Variants in GTF2IRD2B observed in about 807,000 individuals in gnomAD.
GTF2IRD2B encodes the protein general transcription factor II-I repeat domain-containing protein 2B.
In GTF2IRD2B, 10 loss-of-function variants were observed where a neutral mutation model predicts 55.6. The ratio of observed to expected loss-of-function variants is 0.18; its 90% CI spans 0.11 to 0.31. GTF2IRD2B has a LOEUF of 0.31. Ranked by LOEUF, GTF2IRD2B falls within the 10% of genes least tolerant of loss-of-function variation. The pLI is 1.00. For synonymous variants in GTF2IRD2B, 107 were observed against 320.5 expected (o/e 0.33, Z 7.12); for missense variants, 206 against 802.7 (o/e 0.26, Z 8.98).
At position 75,120,864 on chromosome 7, in the gene GTF2IRD2B, G is replaced by A. The variant is rs377662145; in HGVS notation, c.239-27G>A. 1.2e-4 allele frequency: 189 copies of A among 1,607,240 alleles called. No individual in the cohort carries two copies. The Middle Eastern group carries it at 2.2e-3, about 18-fold the overall frequency. Reference sequence around the variant, plus strand: ...TGTACAGCACAAATGCTTAGAAACTGACCTAATGCCAATCATCCATTTGCA... The same window carrying A: ...TGTACAGCACAAATGCTTAGAAACTAACCTAATGCCAATCATCCATTTGCA... On this transcript the variant is annotated intron_variant, in intron 3 of 15. Coordinates refer to ENST00000472837, the MANE Select transcript of GTF2IRD2B (RefSeq NM_001003795.3).
At chr7:75,116,864 C>G (rs1490519754) in intron 3 of GTF2IRD2B, among the ~76,000 whole-genome samples, 3 of 151,184 alleles carry the variant, frequency 2.0e-5, no homozygotes, top group Admixed American at 1.3e-4. Flanking sequence ...AGCATAGTCT[C>G]AAACTCCTGA....
At chr7:75,133,879 G>A (rs879992357) in intron 9 of GTF2IRD2B, among the ~76,000 whole-genome samples, 41 of 138,054 alleles carry the variant, frequency 3.0e-4, no homozygotes, top group Non-Finnish European at 4.8e-4. Context: ...AAATTGTCAC[G>A]ACTGTCATGA....
intron 1 of GTF2IRD2B, among the ~76,000 whole-genome samples, chr7:75,096,596 T>G (rs1355443335): frequency 1.0e-5 from 1 of 95,704 alleles, no homozygotes; most frequent in Non-Finnish European, 1.9e-5. Flanking sequence ...TCCTTTTTTT[T>G]TGGATTTTTA....
At chr7:75,107,431 C>T (rs2115712591) in intron 1 of GTF2IRD2B, among the ~76,000 whole-genome samples, 1 of 145,914 alleles carries the variant, frequency 6.9e-6, no homozygotes, top group African/African-American at 2.5e-5. Flanking sequence ...AAAAATTAGC[C>T]AGGCGTGGTG....
At chr7:75,118,074 C>CAAA (rs57631816) in intron 3 of GTF2IRD2B, among the ~76,000 whole-genome samples, 8 of 103,814 alleles carry the variant, frequency 7.7e-5, no homozygotes, top group African/African-American at 2.5e-4. Context: ...CAGAGCAAGA[C>CAAA]AAAAAAAAAA....
intron 3 of GTF2IRD2B, among the ~76,000 whole-genome samples, chr7:75,119,895 G>A (rs1184429262): frequency 9.0e-6 from 1 of 110,974 alleles, no homozygotes; most frequent in African/African-American, 4.3e-5. Context: ...TTGGGAGGCC[G>A]AGGCAGGCGG....
At chr7:75,103,639 T>C (rs1807655557) in intron 1 of GTF2IRD2B, among the ~76,000 whole-genome samples, 5 of 151,700 alleles carry the variant, frequency 3.3e-5, no homozygotes, top group Non-Finnish European at 7.4e-5. Flanking sequence ...GATGCACCCA[T>C]TTCCAGAGAG....
At chr7:75,109,667 C>T (rs2718257) in intron 2 of GTF2IRD2B, among the ~76,000 whole-genome samples, 32,427 of 36,908 alleles carry the variant, frequency 0.88, 14,082 homozygotes, top group East Asian at 0.97. Flanking sequence ...TGATGTTTGC[C>T]TGCTGCCTGA....
intron 8 of GTF2IRD2B, among the ~76,000 whole-genome samples, chr7:75,132,200 C>A (rs587610462): frequency 0.011 from 1,602 of 141,128 alleles, 66 homozygotes; most frequent in Middle Eastern, 0.028. Context: ...GGTGAAACCC[C>A]GTCTTTACTG....
At chr7:75,102,715 C>T (rs1385384571) in intron 1 of GTF2IRD2B, among the ~76,000 whole-genome samples, 5 of 151,620 alleles carry the variant, frequency 3.3e-5, no homozygotes, top group South Asian at 2.1e-4. Flanking sequence ...CACAGGGCTT[C>T]GGGAGGCCAA....
chr7:75,114,641 T>C (rs1188391360), intron 3 of GTF2IRD2B, among the ~76,000 whole-genome samples: 1 of 151,934 alleles, frequency 6.6e-6, no homozygotes, highest in Non-Finnish European at 1.5e-5. Flanking sequence ...TTTATGTCCA[T>C]GTGTATCCAA....
At chr7:75,103,456 GTTAA>G (rs1807649114) in intron 1 of GTF2IRD2B, among the ~76,000 whole-genome samples, 1 of 150,538 alleles carries the variant, frequency 6.6e-6, no homozygotes, top group South Asian at 2.1e-4. Context: ...GGTGTTCATT[GTTAA>G]TTAATGCCAC....
chr7:75,103,514 G>C (rs1227738230), intron 1 of GTF2IRD2B, among the ~76,000 whole-genome samples: 1 of 149,866 alleles, frequency 6.7e-6, no homozygotes, highest in Non-Finnish European at 1.5e-5. Context: ...AGAAGAGAGG[G>C]AGCCGTCCCC....
intron 11 of GTF2IRD2B, 124 bp from the exon 12 acceptor site, chr7:75,138,825 CA>C (rs71273506): frequency 8.5e-3 from 68 of 8,024 alleles, no homozygotes; most frequent in Admixed American, 0.014. Context: ...GAACCTGTCT[CA>C]AAAAAAAAAA....
chr7:75,114,785 G>A (rs1238683845), intron 3 of GTF2IRD2B, among the ~76,000 whole-genome samples: 3 of 149,642 alleles, frequency 2.0e-5, no homozygotes, highest in East Asian at 1.9e-4. Context: ...TTTTATGGCC[G>A]CAGGTTTTTC....
chr7:75,096,748 C>T (rs1471144029), intron 1 of GTF2IRD2B, among the ~76,000 whole-genome samples: 1 of 150,992 alleles, frequency 6.6e-6, no homozygotes, highest in African/African-American at 2.5e-5. Context: ...TTTTACATCG[C>T]AGGTGATCAT....
At position 75,133,220 on chromosome 7, in the gene GTF2IRD2B, T is replaced by G; in HGVS notation, c.748+8T>G. On this transcript the variant is annotated splice_region_variant and intron_variant, in intron 9 of 15. Coordinates refer to ENST00000472837, the MANE Select transcript of GTF2IRD2B (RefSeq NM_001003795.3). ...ATCAATATAATATGCAAGGTAATAC[T>G]GTTTGATAATAATTTTCTTCCCCAA... The G allele has an allele frequency of 2.5e-6, 1 of 403,418 alleles. No homozygotes were observed. The highest frequency in any genetic ancestry group is 4.4e-5 in the Admixed American group (1 of 22,820). 25.0% of individuals were successfully genotyped at this position (403,418 alleles called of 1,614,324 possible).
chr7:75,115,767 A>T (rs1222522253), intron 3 of GTF2IRD2B, among the ~76,000 whole-genome samples: 5 of 150,744 alleles, frequency 3.3e-5, no homozygotes, highest in African/African-American at 9.8e-5. Flanking sequence ...CTTAATTTGT[A>T]CGAGAAATGC....
At chr7:75,114,740 C>T (rs1423295121) in intron 3 of GTF2IRD2B, among the ~76,000 whole-genome samples, 2 of 151,426 alleles carry the variant, frequency 1.3e-5, no homozygotes, top group Non-Finnish European at 2.9e-5. Context: ...CTCCAGCTGC[C>T]TCCACATTGC....
Sources: allele counts gnomAD v4.1 joint callset (sites outside exome capture counted in the v4.1 genomes callset), GRCh38; gene constraint gnomAD v4.1.1; transcripts MANE v1.5; gene names NCBI Gene and HGNC (gene_info 2026-07-23, HGNC 2026-07-21).